The following EXOC4 variants were observed in gnomAD, a reference collection of about 807,000 sequenced individuals.
EXOC4 encodes the protein SEC8-like 1.
A neutral mutation model predicts 107.2 loss-of-function variants in EXOC4; 71 were observed. That is an observed-to-expected ratio of 0.66 (90% confidence interval 0.55 to 0.81). The LOEUF is 0.81. Among genes scored for constraint, EXOC4 ranks in the 30% least tolerant of loss-of-function variants. The pLI is 0.00. For missense variants in EXOC4, 1,108 were observed against 1,189.6 expected, an observed-to-expected ratio of 0.93 and a Z score of 1.01; for synonymous variants, 456 against 441.2, an observed-to-expected ratio of 1.03 and a Z score of -0.42.
At chr7:133,533,398 G>A (rs1420091782) in intron 9 of EXOC4, among the ~76,000 whole-genome samples, 1 of 152,120 alleles carries the variant, frequency 6.6e-6, no homozygotes, top group Non-Finnish European at 1.5e-5. Flanking sequence ...ATTGTAGCTT[G>A]TGGATGCCTA....
At chr7:133,453,470 ATG>A (rs1554455447) in intron 7 of EXOC4, among the ~76,000 whole-genome samples, 1 of 152,182 alleles carries the variant, frequency 6.6e-6, no homozygotes, top group African/African-American at 2.4e-5. Context: ...AAGAATGAAA[ATG>A]TGTATTGAAA....
At chr7:133,605,307 A>G (rs975599856) in intron 9 of EXOC4, among the ~76,000 whole-genome samples, 11 of 152,128 alleles carry the variant, frequency 7.2e-5, no homozygotes, top group Admixed American at 2.6e-4. Context: ...AAAATTTATA[A>G]TATAATATTT....
chr7:133,356,313 A>G lies in EXOC4; in HGVS notation c.764-17A>G. On this transcript the variant is annotated splice_polypyrimidine_tract_variant and intron_variant, in intron 5 of 17. Transcript: ENST00000253861. ...AGTGGAGTCTGTATCTATTATTGTT[A>G]TTATTTAATTTTTCAGTGAGGGAGA... 6.2e-7 allele frequency: 1 copy of G among 1,612,456 alleles called. No homozygotes were observed. The highest frequency in any genetic ancestry group is 8.5e-7 in the Non-Finnish European group (1 of 1,179,396).
chr7:133,985,632 T>C (rs1198317473), intron 14 of EXOC4, among the ~76,000 whole-genome samples: 1 of 152,224 alleles, frequency 6.6e-6, no homozygotes, highest in Non-Finnish European at 1.5e-5. Context: ...TTCTCTTTGT[T>C]CTTTGGACAT....
rs147796250 is a variant in EXOC4, at chr7:133,705,800, G to A, written c.1514+75659G>A. Among the ~76,000 whole-genome samples, 95 of 152,358 alleles carry A rather than the reference G, an allele frequency of 6.2e-4. No individual in the cohort carries two copies. In the East Asian group the frequency reaches 0.017, roughly 28 times the overall value. Reference sequence around the variant, plus strand: ...AATGATTCATATCCTGGATGAGACAGAGTGGGACAGCATGAGATGTCATCA... The same window carrying A: ...AATGATTCATATCCTGGATGAGACAAAGTGGGACAGCATGAGATGTCATCA... On this transcript the variant is annotated intron_variant, in intron 10 of 17. Coordinates refer to ENST00000253861, the MANE Select transcript of EXOC4 (RefSeq NM_021807.4).
chr7:133,688,809 A>C (rs1373111269), intron 10 of EXOC4, among the ~76,000 whole-genome samples: 1 of 152,140 alleles, frequency 6.6e-6, no homozygotes. Context: ...TGAATACTTA[A>C]GAAACCAGAG....
intron 10 of EXOC4, among the ~76,000 whole-genome samples, chr7:133,803,509 G>C (rs934357185): frequency 6.6e-6 from 1 of 152,068 alleles, no homozygotes; most frequent in African/African-American, 2.4e-5. Context: ...TTAGGAATTT[G>C]TCATCAACAT....
intron 3 of EXOC4, among the ~76,000 whole-genome samples, chr7:133,299,774 A>G (rs767270191): frequency 2.0e-5 from 3 of 152,134 alleles, no homozygotes; most frequent in Non-Finnish European, 4.4e-5. Flanking sequence ...AATTTGCCTT[A>G]TCCTGTAAAT....
At chr7:133,967,736 T>C (rs1288405359) in intron 14 of EXOC4, among the ~76,000 whole-genome samples, 4 of 152,160 alleles carry the variant, frequency 2.6e-5, no homozygotes, top group African/African-American at 9.7e-5. Flanking sequence ...CTGAGGCATG[T>C]TTTACTTCCA....
intron 9 of EXOC4, among the ~76,000 whole-genome samples, chr7:133,539,901 A>G (rs1262010281): frequency 6.6e-6 from 1 of 152,058 alleles, no homozygotes; most frequent in African/African-American, 2.4e-5. Context: ...CTCCCAGAAG[A>G]TTCTAAGGAG....
intron 9 of EXOC4, among the ~76,000 whole-genome samples, chr7:133,567,678 T>C (rs1800934173): frequency 6.6e-6 from 1 of 152,198 alleles, no homozygotes; most frequent in Non-Finnish European, 1.5e-5. Flanking sequence ...CATATTTGGC[T>C]CATGCTTCTA....
intron 17 of EXOC4, among the ~76,000 whole-genome samples, chr7:134,033,664 G>A (rs970527512): frequency 6.6e-6 from 1 of 152,146 alleles, no homozygotes; most frequent in African/African-American, 2.4e-5. Flanking sequence ...CTCAGGAAGG[G>A]CCCAAGTCTT....
chr7:133,999,376 T>C (rs1279443974), intron 15 of EXOC4, among the ~76,000 whole-genome samples: 3 of 152,170 alleles, frequency 2.0e-5, no homozygotes, highest in Non-Finnish European at 2.9e-5. Flanking sequence ...CCCAGTGAGT[T>C]ACTTCCTTAT....
At chr7:133,632,088 A>G (rs1262391157) in intron 10 of EXOC4, among the ~76,000 whole-genome samples, 1 of 152,124 alleles carries the variant, frequency 6.6e-6, no homozygotes. Context: ...ATGTAAATAT[A>G]TATGTTAGTA....
chr7:133,534,677 T>C (rs935344871), intron 9 of EXOC4, among the ~76,000 whole-genome samples: 18 of 152,186 alleles, frequency 1.2e-4, no homozygotes, highest in Non-Finnish European at 2.4e-4. Flanking sequence ...TACATCAATG[T>C]TCAAAGTCAA....
At chr7:133,409,550 T>G (rs976494373) in intron 7 of EXOC4, among the ~76,000 whole-genome samples, 2 of 152,208 alleles carry the variant, frequency 1.3e-5, no homozygotes, top group African/African-American at 4.8e-5. Context: ...CGCTATTACC[T>G]TTAGAGATCA....
At chr7:134,007,890 T>C in intron 17 of EXOC4, 55 bp downstream of exon 17, 2 of 1,485,298 alleles carry the variant, frequency 1.3e-6, no homozygotes, top group Non-Finnish European at 9.1e-7. Context: ...CCTCGTTGCC[T>C]GTGAAGTCAT....
Position 133,730,523 on chromosome 7 carries a change from A to G in EXOC4, c.1515-86802A>G, listed in dbSNP as rs145425754. Among the ~76,000 whole-genome samples, 27 of 152,208 alleles carry G rather than the reference A, an allele frequency of 1.8e-4. No homozygotes were observed. The East Asian group carries it at 5.2e-3, about 29-fold the overall frequency. On this transcript the variant is annotated intron_variant, in intron 10 of 17. Transcript: ENST00000253861. ...CAGCTTTCTGATATAACGAAAGTCAACTTGGTGAGCTACCAGCTGTTTTAG... is the reference window on the plus strand; with the variant it reads ...CAGCTTTCTGATATAACGAAAGTCAGCTTGGTGAGCTACCAGCTGTTTTAG...
At chr7:133,608,141 G>C (rs1801991755) in intron 9 of EXOC4, among the ~76,000 whole-genome samples, 1 of 152,026 alleles carries the variant, frequency 6.6e-6, no homozygotes, top group Non-Finnish European at 1.5e-5. Flanking sequence ...CTGGGATATT[G>C]GTTTAATATA....
Sources: allele counts gnomAD v4.1 joint callset (sites outside exome capture counted in the v4.1 genomes callset), GRCh38; gene constraint gnomAD v4.1.1; transcripts MANE v1.5; gene names NCBI Gene and HGNC (gene_info 2026-07-23, HGNC 2026-07-21).